ARHGAP25: variants seen among roughly 807,000 people sequenced by gnomAD.
ARHGAP25 encodes the protein Rho GTPase activating protein 25, also known as rho GTPase-activating protein 25.
A neutral mutation model predicts 71.0 loss-of-function variants in ARHGAP25; 34 were observed. The ratio of observed to expected loss-of-function variants is 0.48; its 90% CI spans 0.36 to 0.64. ARHGAP25 has a LOEUF of 0.64. Among genes scored for constraint, ARHGAP25 ranks in the 30% least tolerant of loss-of-function variants. The probability of loss-of-function intolerance (pLI) is 0.00; values close to 1 mark genes in which losing one functional copy is unlikely to be tolerated. For synonymous variants in ARHGAP25, 282 were observed against 296.5 expected, an observed-to-expected ratio of 0.95 and a Z score of 0.50; for missense variants, 706 against 805.1, an observed-to-expected ratio of 0.88 and a Z score of 1.49.
intron 6 of ARHGAP25, 44 bp from the exon 7 acceptor site, chr2:68,816,245 C>G (rs1262082199): frequency 1.3e-6 from 2 of 1,506,644 alleles, no homozygotes; most frequent in East Asian, 4.5e-5. Context: ...CATGGGCAGG[C>G]TCATTTACTG....
At chr2:68,821,906 GTTTTTTTTTTTT>G (rs59964574) in intron 9 of ARHGAP25, among the ~76,000 whole-genome samples, 5 of 81,646 alleles carry the variant, frequency 6.1e-5, no homozygotes, top group Non-Finnish European at 1.1e-4. Flanking sequence ...CTTTTTGCTA[GTTTTTTTTTTTT>G]TTTTTTTTTT....
At chr2:68,819,722 C>T (rs1166393641) in intron 9 of ARHGAP25, 11 of 510,242 alleles carry the variant, frequency 2.2e-5, no homozygotes, top group East Asian at 1.2e-4. Flanking sequence ...ACCCATGAAA[C>T]GTGATTCCTT....
rs753315292 is a variant in ARHGAP25 at position 68,775,391 on chromosome 2, T to C, written c.232T>C (p.Tyr78His). 6.2e-7 allele frequency: 1 copy of C among 1,614,172 alleles called. No homozygotes were observed. Among genetic ancestry groups the C allele is most frequent in the East Asian group, 2.2e-5 (1 of 44,884 alleles). ...FVLRAQQLYY[Y>H]KDEEDTKPQG... is the part of the protein sequence containing the mutation. ...GCTGAGGGCGCAGCAGCTCTACTACTACAAGGATGAAGAGGACACGAAGCC... is the reference window on the plus strand; with the variant it reads ...GCTGAGGGCGCAGCAGCTCTACTACCACAAGGATGAAGAGGACACGAAGCC... The change falls in exon 2 of 11, where the codon TAC becomes CAC. Residue 78 changes from tyrosine (Y) to histidine (H), a missense_variant. Physicochemically the swap from Tyr to His is moderately conservative, Grantham distance 83. Transcript: ENST00000409202.
chr2:68,724,899 T>G (rs949422914), intron 2 of ARHGAP25, among the ~76,000 whole-genome samples: 1 of 152,228 alleles, frequency 6.6e-6, no homozygotes, highest in African/African-American at 2.4e-5. Context: ...CCAGGATATA[T>G]ATGAAGTATT....
At chr2:68,823,655 C>T (rs1452677657) in intron 10 of ARHGAP25, among the ~76,000 whole-genome samples, 1 of 152,118 alleles carries the variant, frequency 6.6e-6, no homozygotes, top group Non-Finnish European at 1.5e-5. Context: ...GAGGCCAGGA[C>T]GCAGTAGGGT....
chr2:68,825,531 C>T (rs1682051694), intron 10 of ARHGAP25, among the ~76,000 whole-genome samples: 2 of 151,808 alleles, frequency 1.3e-5, no homozygotes, highest in Admixed American at 1.3e-4. Context: ...TTTGGGAGGC[C>T]AAGGCAGGCG....
At chr2:68,812,694 C>T (rs763823873) in intron 5 of ARHGAP25, among the ~76,000 whole-genome samples, 3 of 152,132 alleles carry the variant, frequency 2.0e-5, no homozygotes, top group Non-Finnish European at 2.9e-5. Flanking sequence ...TTCTGTGGCT[C>T]GATGGGGCCA....
intron 1 of ARHGAP25, among the ~76,000 whole-genome samples, chr2:68,770,875 A>T (rs1239898484): frequency 2.6e-5 from 4 of 152,122 alleles, no homozygotes; most frequent in African/African-American, 9.7e-5. Context: ...CTATTTGATA[A>T]AATGCTGCCT....
chr2:68,766,714 TTCTC>T (rs140846028), intron 1 of ARHGAP25, among the ~76,000 whole-genome samples: 5 of 148,396 alleles, frequency 3.4e-5, no homozygotes, highest in Non-Finnish European at 7.5e-5. Flanking sequence ...CTCTCTCCCC[TTCTC>T]TCTCTCTCTC....
upstream of ARHGAP25, among the ~76,000 whole-genome samples, chr2:68,734,282 T>C (rs1448650549): frequency 6.6e-6 from 1 of 152,196 alleles, no homozygotes; most frequent in African/African-American, 2.4e-5. Flanking sequence ...GCCCACACCA[T>C]GTATACAGCC....
At chr2:68,809,750 C>T (rs1188351981) in intron 5 of ARHGAP25, among the ~76,000 whole-genome samples, 1 of 152,184 alleles carries the variant, frequency 6.6e-6, no homozygotes, top group Non-Finnish European at 1.5e-5. Context: ...GCTGTGGGAA[C>T]TCACCCAGAT....
At chr2:68,739,842 G>A (rs1268413582) in intron 1 of ARHGAP25, among the ~76,000 whole-genome samples, 3 of 151,970 alleles carry the variant, frequency 2.0e-5, no homozygotes, top group South Asian at 4.1e-4. Flanking sequence ...CATTTTTTGT[G>A]TTATGCTTTA....
intron 5 of ARHGAP25, 43 bp from the exon 6 acceptor site, chr2:68,813,244 T>C (rs1372890935): frequency 1.3e-6 from 2 of 1,576,596 alleles, no homozygotes; most frequent in Non-Finnish European, 1.7e-6. Context: ...CCTAAAGTTT[T>C]TCTTTCAAAG....
At chr2:68,748,976 T>G (rs1357690627) in intron 1 of ARHGAP25, among the ~76,000 whole-genome samples, 2 of 152,080 alleles carry the variant, frequency 1.3e-5, no homozygotes, top group East Asian at 3.9e-4. Context: ...ACCTCAGTTT[T>G]GTAGTATGGG....
At chr2:68,728,200 G>A (rs1674927797) in intron 2 of ARHGAP25, among the ~76,000 whole-genome samples, 1 of 152,148 alleles carries the variant, frequency 6.6e-6, no homozygotes, top group Non-Finnish European at 1.5e-5. Context: ...AACCAAACCA[G>A]CCAATAAGCA....
intron 9 of ARHGAP25, among the ~76,000 whole-genome samples, chr2:68,820,841 A>C (rs1298053459): frequency 6.6e-6 from 1 of 151,578 alleles, no homozygotes; most frequent in Non-Finnish European, 1.5e-5. Context: ...TTTTTTACAC[A>C]AAATGTAGTA....
chr2:68,721,566 C>T (rs1214340098), intron 2 of ARHGAP25, among the ~76,000 whole-genome samples: 1 of 152,216 alleles, frequency 6.6e-6, no homozygotes, highest in African/African-American at 2.4e-5. Flanking sequence ...CCACCAGCTC[C>T]TCCTCTCCCC....
intron 1 of ARHGAP25, chr2:68,774,931 C>T: frequency 1.4e-6 from 2 of 1,405,580 alleles, no homozygotes; most frequent in Non-Finnish European, 1.8e-6. Flanking sequence ...GCCAACCTTT[C>T]GGTTTGCAGA....
At chr2:68,824,568 A>C (rs556928642) in intron 10 of ARHGAP25, among the ~76,000 whole-genome samples, 189 of 152,202 alleles carry the variant, frequency 1.2e-3, no homozygotes, top group Middle Eastern at 6.8e-3. Context: ...CGGTGAAACC[A>C]TGTCTCTCCT....
Sources: gnomAD v4.1 joint callset for allele counts (sites outside exome capture counted in the v4.1 genomes callset) on GRCh38, gnomAD v4.1.1 for gene constraint, MANE v1.5 for transcripts, NCBI Gene and HGNC (gene_info 2026-07-23, HGNC 2026-07-21) for gene names.